Variants in MTA3 observed in about 807,000 individuals in gnomAD.
The protein encoded by MTA3 is metastasis-associated protein MTA3.
MTA3 carries 34 observed loss-of-function variants against 83.5 expected under a neutral mutation model. The observed-to-expected ratio is 0.41, with a 90% CI of 0.31 to 0.54. MTA3 has a LOEUF of 0.54. Ranked by LOEUF, MTA3 falls within the 20% of genes least tolerant of loss-of-function variation. The probability of loss-of-function intolerance (pLI) is 0.33; values close to 1 mark genes in which losing one functional copy is unlikely to be tolerated. For missense variants in MTA3, 761 were observed against 726.4 expected (o/e 1.05, Z -0.55); for synonymous variants, 303 against 252.7 (o/e 1.20, Z -1.89).
chr2:42,627,422 G>A (rs1285725745), intron 4 of MTA3, among the ~76,000 whole-genome samples: 1 of 152,152 alleles, frequency 6.6e-6, no homozygotes, highest in Non-Finnish European at 1.5e-5. Flanking sequence ...GCTATGTTTA[G>A]TAGTATTTTA....
intron 16 of MTA3, 23 bp downstream of exon 16, chr2:42,723,058 G>C (rs1667542865): frequency 1.3e-6 from 2 of 1,549,358 alleles, no homozygotes; most frequent in Non-Finnish European, 1.7e-6. Context: ...AGGAATTCTG[G>C]AGGCTGTTCT....
chr2:42,680,965 A>C (rs560697451), intron 8 of MTA3, among the ~76,000 whole-genome samples: 1 of 152,236 alleles, frequency 6.6e-6, no homozygotes, highest in South Asian at 2.1e-4. Flanking sequence ...CTGGTCTCGA[A>C]GTCCTGGGCA....
intron 2 of MTA3, among the ~76,000 whole-genome samples, chr2:42,537,490 G>A (rs1202867727): frequency 4.6e-5 from 7 of 151,956 alleles, no homozygotes; most frequent in Non-Finnish European, 8.8e-5. Context: ...GCTTGAACCC[G>A]GGAAGCGGAG....
chr2:42,570,427 T>C lies in MTA3; in HGVS notation c.29-10T>C. 1 of 1,492,568 alleles carries C rather than the reference T, an allele frequency of 6.7e-7. No individual in the cohort carries two copies. The highest frequency in any genetic ancestry group is 9.1e-7 in the Non-Finnish European group (1 of 1,097,886). The allele number at this position is 1,492,568 out of a possible 1,614,324, so 92.5% of individuals were successfully genotyped here. A position where few individuals can be genotyped will look rare whatever the true frequency, so the allele number is the denominator to read the frequency against. On this transcript the variant is annotated splice_polypyrimidine_tract_variant and intron_variant, in intron 1 of 16. Transcript: ENST00000405094. ...AAAAAGATTAAGTTCTGTACTTCCT[T>C]TAATTACAGATTATGTCTACTTTGA...
chr2:42,718,976 T>G lies in MTA3; in HGVS notation c.1526-12T>G, dbSNP rs1413213224. ...TTTCATTGGTTATCTCCATGTTTCT[T>G]TCTCTCCTCAGATGCAGACAGACAT... On this transcript the variant is annotated splice_polypyrimidine_tract_variant and intron_variant, in intron 14 of 16. Transcript: ENST00000405094. 5 of 1,544,536 alleles carry G rather than the reference T, an allele frequency of 3.2e-6. No homozygotes were observed. Among genetic ancestry groups the G allele is most frequent in the Non-Finnish European group, 4.4e-6 (5 of 1,141,658 alleles).
intron 8 of MTA3, among the ~76,000 whole-genome samples, chr2:42,676,114 T>C (rs139891708): frequency 2.4e-4 from 37 of 152,372 alleles, no homozygotes; most frequent in African/African-American, 7.2e-4. Flanking sequence ...GTAATTCCAA[T>C]GTATTCTTTC....
intron 2 of MTA3, among the ~76,000 whole-genome samples, chr2:42,575,915 T>C (rs1248489786): frequency 1.3e-5 from 2 of 152,304 alleles, no homozygotes; most frequent in East Asian, 1.9e-4. Context: ...GAGTCATCCA[T>C]GTAATAGCGA....
At chr2:42,667,598 G>GTT (rs1690371013) in intron 8 of MTA3, among the ~76,000 whole-genome samples, 2 of 51,086 alleles carry the variant, frequency 3.9e-5, no homozygotes, top group Non-Finnish European at 8.0e-5. Context: ...GTGTGTGTGT[G>GTT]TGTGTGTGTG....
At chr2:42,608,469 G>A (rs573547151) in intron 3 of MTA3, among the ~76,000 whole-genome samples, 2 of 152,152 alleles carry the variant, frequency 1.3e-5, no homozygotes, top group Non-Finnish European at 2.9e-5. Context: ...ACTGTTTAAG[G>A]TTCATTTTCA....
At chr2:42,624,192 G>T (rs1316131799) in intron 4 of MTA3, among the ~76,000 whole-genome samples, 1 of 151,694 alleles carries the variant, frequency 6.6e-6, no homozygotes, top group Admixed American at 6.6e-5. Context: ...TTTAGTATTT[G>T]ATTTTATTTT....
rs907546488 is a variant in MTA3, at chr2:42,640,053, A to G, written c.318-120A>G. 7.4e-6 allele frequency: 5 copies of G among 676,466 alleles called. No individual in the cohort carries two copies. The Admixed American group carries it at 9.1e-5, about 12-fold the overall frequency. 41.9% of individuals were successfully genotyped at this position (676,466 alleles called of 1,614,324 possible). ...GGGTCTAAATGGTTTGAAAAAATATATATTCCTAACTGCCATGTAGTTTCT... is the reference window on the plus strand; with the variant it reads ...GGGTCTAAATGGTTTGAAAAAATATGTATTCCTAACTGCCATGTAGTTTCT... On this transcript the variant is annotated intron_variant, in intron 4 of 16. Coordinates refer to ENST00000405094, the MANE Select transcript of MTA3 (RefSeq NM_001330442.2).
upstream of MTA3, among the ~76,000 whole-genome samples, chr2:42,566,871 G>A (rs1416886934): frequency 6.6e-6 from 1 of 152,220 alleles, no homozygotes; most frequent in Admixed American, 6.5e-5. Flanking sequence ...TAGGCCAGAG[G>A]AAAGGGCTGA....
intron 5 of MTA3, 93 bp downstream of exon 5, chr2:42,640,329 T>G (rs1687595139): frequency 1.2e-6 from 1 of 864,742 alleles, no homozygotes; most frequent in African/African-American, 1.7e-5. Flanking sequence ...ACAAAAGTAT[T>G]ATTCCACCAT....
chr2:42,603,747 ATTTT>A (rs1241917605), intron 3 of MTA3, among the ~76,000 whole-genome samples: 3 of 151,904 alleles, frequency 2.0e-5, no homozygotes, highest in Non-Finnish European at 4.4e-5. Flanking sequence ...GGTCAACACA[ATTTT>A]CTTTCTTTCC....
intron 13 of MTA3, 61 bp from the exon 14 acceptor site, chr2:42,708,813 A>C: frequency 6.4e-7 from 1 of 1,562,650 alleles, no homozygotes; most frequent in Non-Finnish European, 8.7e-7. Flanking sequence ...GCATGATGCA[A>C]ACAGTAACGT....
chr2:42,739,542 G>T (rs1002517196), intron 16 of MTA3, among the ~76,000 whole-genome samples: 1 of 151,684 alleles, frequency 6.6e-6, no homozygotes, highest in African/African-American at 2.4e-5. Context: ...GGCCACTGTT[G>T]ATCAGGATGG....
intron 4 of MTA3, among the ~76,000 whole-genome samples, chr2:42,622,646 A>T (rs932133519): frequency 4.1e-4 from 62 of 152,116 alleles, no homozygotes; most frequent in African/African-American, 1.5e-3. Context: ...GAATCTTTTT[A>T]AAAAAATTTT....
chr2:42,713,746 G>C (rs947152729), intron 14 of MTA3, among the ~76,000 whole-genome samples: 1 of 152,140 alleles, frequency 6.6e-6, no homozygotes, highest in Non-Finnish European at 1.5e-5. Context: ...CCGTGCCACT[G>C]TATTGAAAAC....
chr2:42,667,559 T>A (rs1690339010), intron 8 of MTA3, among the ~76,000 whole-genome samples: 1 of 149,358 alleles, frequency 6.7e-6, no homozygotes, highest in South Asian at 2.2e-4. Flanking sequence ...AGAATTTCCA[T>A]CATTTAAAAA....
Sources: allele counts gnomAD v4.1 joint callset (sites outside exome capture counted in the v4.1 genomes callset), GRCh38; gene constraint gnomAD v4.1.1; transcripts MANE v1.5; gene names NCBI Gene and HGNC (gene_info 2026-07-23, HGNC 2026-07-21).